Variants in ZMYM2 observed in about 807,000 individuals in gnomAD.
ZMYM2 encodes the protein zinc finger MYM-type protein 2.
In ZMYM2, 56 loss-of-function variants were observed where a neutral mutation model predicts 162.8. That is an observed-to-expected ratio of 0.34 (90% CI 0.28 to 0.43). The LOEUF is 0.43. Ranked by LOEUF, ZMYM2 falls within the 20% of genes least tolerant of loss-of-function variation. The pLI is 1.00. For missense variants in ZMYM2, 1,275 were observed against 1,621.8 expected, an observed-to-expected ratio of 0.79 and a Z score of 3.67; for synonymous variants, 510 against 541.6, an observed-to-expected ratio of 0.94 and a Z score of 0.81.
At chr13:19,917,890 C>T in the ZMYM2 span, among the ~76,000 whole-genome samples, 1 of 151,990 alleles carries the variant, frequency 6.6e-6, no homozygotes, top group South Asian at 2.1e-4. Context: ...GAAATCCCAT[C>T]TCCACAAAAA....
the ZMYM2 span, among the ~76,000 whole-genome samples, chr13:19,938,435 T>C: frequency 6.6e-6 from 1 of 152,186 alleles, no homozygotes; most frequent in Admixed American, 6.5e-5. Flanking sequence ...GAGGCCAACG[T>C]TGCAGTGAGC....
chr13:19,946,055 T>TA, the ZMYM2 span, among the ~76,000 whole-genome samples: 5 of 151,992 alleles, frequency 3.3e-5, no homozygotes, highest in African/African-American at 1.2e-4. Flanking sequence ...TTCCCATCAT[T>TA]AACTATCATC....
chr13:20,035,842 C>G (rs954743250), intron 11 of ZMYM2, among the ~76,000 whole-genome samples: 1 of 152,018 alleles, frequency 6.6e-6, no homozygotes, highest in Admixed American at 6.5e-5. Context: ...CCATCAAACT[C>G]TAGTTAGATA....
At chr13:19,920,823 C>T in the ZMYM2 span, among the ~76,000 whole-genome samples, 1 of 152,186 alleles carries the variant, frequency 6.6e-6, no homozygotes, top group African/African-American at 2.4e-5. Flanking sequence ...AGTGCAATGA[C>T]ATGATCTTGG....
At chr13:20,017,374 G>A (rs1251560946) in intron 6 of ZMYM2, among the ~76,000 whole-genome samples, 1 of 148,076 alleles carries the variant, frequency 6.8e-6, no homozygotes, top group East Asian at 2.0e-4. Flanking sequence ...ACCTACAGGT[G>A]TGTCATTTCT....
chr13:20,042,587 TAGTAC>T (rs1422558895), intron 12 of ZMYM2, among the ~76,000 whole-genome samples: 1 of 152,046 alleles, frequency 6.6e-6, no homozygotes, highest in Non-Finnish European at 1.5e-5. Flanking sequence ...ACTGGAGAGG[TAGTAC>T]AGTTATTTGG....
the ZMYM2 span, among the ~76,000 whole-genome samples, chr13:19,885,882 CATATATATGTGTAT>C: frequency 1.1e-5 from 1 of 91,980 alleles, no homozygotes; most frequent in African/African-American, 5.3e-5. Context: ...TGTATATACA[CATATATATGTGTAT>C]ACACATATAT....
intron 3 of ZMYM2, among the ~76,000 whole-genome samples, chr13:19,998,761 G>A (rs1334285484): frequency 6.6e-6 from 1 of 152,184 alleles, no homozygotes; most frequent in East Asian, 1.9e-4. Context: ...TAGGTTGATG[G>A]AATGGGTCAG....
upstream of ZMYM2, among the ~76,000 whole-genome samples, chr13:19,958,334 G>C (rs1476289292): frequency 6.6e-6 from 1 of 152,120 alleles, no homozygotes; most frequent in East Asian, 1.9e-4. Flanking sequence ...GCTCGGGCGA[G>C]GGCAGGCGGC....
the ZMYM2 span, among the ~76,000 whole-genome samples, chr13:19,921,040 A>G: frequency 3.3e-5 from 5 of 151,946 alleles, no homozygotes; most frequent in Admixed American, 2.6e-4. Flanking sequence ...AAGTGCTGGG[A>G]TTACAGGCGT....
intron 17 of ZMYM2, among the ~76,000 whole-genome samples, chr13:20,061,590 T>G (rs1349302365): frequency 1.3e-5 from 2 of 152,054 alleles, no homozygotes; most frequent in East Asian, 1.9e-4. Flanking sequence ...TTTTTTGTTT[T>G]GTTTTGTTTT....
At chr13:20,032,841 T>C (rs1044871311) in intron 10 of ZMYM2, among the ~76,000 whole-genome samples, 1 of 152,046 alleles carries the variant, frequency 6.6e-6, no homozygotes, top group Non-Finnish European at 1.5e-5. Flanking sequence ...TCTCCTGGCC[T>C]CAGGCAATCC....
the ZMYM2 span, among the ~76,000 whole-genome samples, chr13:19,911,399 T>G: frequency 5.0e-3 from 767 of 152,230 alleles, 5 homozygotes; most frequent in Non-Finnish European, 9.0e-3. Flanking sequence ...CCTAGAACCC[T>G]AGGAATGAAA....
chr13:20,002,875 A>C lies in ZMYM2; in HGVS notation c.873A>C (p.Ser291=). 6.2e-7 allele frequency: 1 copy of C among 1,613,748 alleles called. No homozygotes were observed. Among genetic ancestry groups the C allele is most frequent in the South Asian group, 1.1e-5 (1 of 91,062 alleles). The part of the protein sequence containing the change: ...NPDSWISQSA[S]FPRNQKQPGV... ...ATTCTTGGATCTCCCAGTCAGCTTC[A>C]TTTCCCCGTAATCAGAAACAACCAG... is the stretch of plus-strand genomic sequence containing the variant. The change falls in exon 4 of 25, where the codon TCA becomes TCC. Residue 291 remains serine (S), a synonymous_variant. Transcript: ENST00000610343.
chr13:20,031,359 C>G lies in ZMYM2; in HGVS notation c.1892C>G (p.Ala631Gly). ...TCATCTCCAAATGGCCAGTTTGTAG[C>G]GCCAAGTGATATTCAGTTGAAATGC... ...MQSSPNGQFV[A>G]PSDIQLKCNY... is the part of the protein sequence containing the mutation. Residue 631 changes from alanine (A) to glycine (G), a missense_variant, in exon 10 of 25, where the codon GCG (alanine) becomes GGG (glycine). Around this residue, in one of 10 missense-constraint regions of ZMYM2, gnomAD observed 276 missense variants for 311.8 expected, o/e 0.89. Coordinates refer to ENST00000610343, the MANE Select transcript of ZMYM2 (RefSeq NM_197968.4). 1.9e-6 allele frequency: 3 copies of G among 1,608,536 alleles called. No homozygotes were observed. The highest frequency in any genetic ancestry group is 2.5e-6 in the Non-Finnish European group (3 of 1,178,592).
the ZMYM2 span, among the ~76,000 whole-genome samples, chr13:19,936,758 A>G: frequency 1.3e-5 from 2 of 152,094 alleles, no homozygotes; most frequent in Non-Finnish European, 2.9e-5. Context: ...CAAGAGAACA[A>G]CACTTAAAAA....
rs1320024311 is a variant in ZMYM2, at chr13:20,083,002, G to A, written c.3790G>A (p.Val1264Met). 1.2e-6 allele frequency: 2 copies of A among 1,613,562 alleles called. No homozygotes were observed. Among genetic ancestry groups the A allele is most frequent in the East Asian group, 2.2e-5 (1 of 44,860 alleles). Reference protein sequence around the residue: ...MENKACLRYQVSSLCGTDNED... With the variant: ...MENKACLRYQMSSLCGTDNED... ...AAACAAAGCGTGTCTTCGATACCAA[G>A]TGTCTTCCTTGTGTGGAACAGATAA... is the stretch of plus-strand genomic sequence containing the variant. The change falls in exon 23 of 25, where the codon GTG becomes ATG. Residue 1264 changes from valine to methionine, a missense_variant. Coordinates refer to ENST00000610343, the MANE Select transcript of ZMYM2 (RefSeq NM_197968.4).
At chr13:19,983,157 T>C (rs1594165599) in intron 2 of ZMYM2, among the ~76,000 whole-genome samples, 2 of 152,022 alleles carry the variant, frequency 1.3e-5, no homozygotes, top group Admixed American at 6.5e-5. Context: ...CTTTTTTTTT[T>C]TTTTTGAGAC....
chr13:20,024,680 A>G (rs1728376536), intron 7 of ZMYM2: 2 of 223,326 alleles, frequency 9.0e-6, no homozygotes, highest in African/African-American at 4.5e-5. Flanking sequence ...TAAGTCATCA[A>G]ATAGACCTCA....
Sources: allele counts gnomAD v4.1 joint callset (sites outside exome capture counted in the v4.1 genomes callset), GRCh38; gene constraint gnomAD v4.1.1; regional missense constraint gnomAD v4.1.1; transcripts MANE v1.5; gene names NCBI Gene and HGNC (gene_info 2026-07-23, HGNC 2026-07-21).